TMC1: variants seen among roughly 807,000 people sequenced by gnomAD.
TMC1 encodes the protein transmembrane channel-like protein 1.
Under a neutral mutation model 105.8 loss-of-function variants are expected in TMC1, and 84 were observed. The ratio of observed to expected loss-of-function variants is 0.79; its 90% CI spans 0.67 to 0.95. The LOEUF is 0.95. Ranked by LOEUF, TMC1 falls within the 40% of genes least tolerant of loss-of-function variation. The pLI, the probability that TMC1 is intolerant of heterozygous loss-of-function variation, is 0.00. For synonymous variants in TMC1, 315 were observed against 311.5 expected (o/e 1.01, Z -0.12); for missense variants, 817 against 914.1 (o/e 0.89, Z 1.37).
chr9:72,666,187 G>T (rs756889019), intron 5 of TMC1, among the ~76,000 whole-genome samples: 1 of 152,078 alleles, frequency 6.6e-6, no homozygotes, highest in African/African-American at 2.4e-5. Context: ...AGGCCAAGGC[G>T]GGAGGATTGC....
chr9:72,729,517 A>C (rs910112342), intron 8 of TMC1, among the ~76,000 whole-genome samples: 16 of 152,212 alleles, frequency 1.1e-4, no homozygotes, highest in African/African-American at 3.9e-4. Context: ...ATCAAGTATC[A>C]AAACATGCAG....
chr9:72,661,378 T>C (rs1287718801), intron 5 of TMC1, among the ~76,000 whole-genome samples: 1 of 152,242 alleles, frequency 6.6e-6, no homozygotes, highest in African/African-American at 2.4e-5. Flanking sequence ...AGTTTTACTT[T>C]AAGTCCACAT....
At chr9:72,833,035 T>A (rs1044571516) in intron 23 of TMC1, among the ~76,000 whole-genome samples, 24 of 152,190 alleles carry the variant, frequency 1.6e-4, no homozygotes, top group Admixed American at 1.4e-3. Flanking sequence ...TTTTTAGTTT[T>A]AAGTATTATC....
At chr9:72,716,624 G>C (rs186847329) in intron 8 of TMC1, among the ~76,000 whole-genome samples, 78 of 152,222 alleles carry the variant, frequency 5.1e-4, no homozygotes, top group Admixed American at 4.6e-3. Context: ...CACCAAGCTC[G>C]AGCATGCCAG....
chr9:72,704,351 G>T (rs1161844524), intron 8 of TMC1, among the ~76,000 whole-genome samples: 1 of 152,144 alleles, frequency 6.6e-6, no homozygotes, highest in Non-Finnish European at 1.5e-5. Context: ...AGATATTTTA[G>T]ACAGTGTCAG....
chr9:72,539,323 C>T (rs966984335), intron 1 of TMC1, among the ~76,000 whole-genome samples: 4 of 152,142 alleles, frequency 2.6e-5, no homozygotes, highest in African/African-American at 9.6e-5. Flanking sequence ...GGAGAATGAC[C>T]TCAGCCTAGG....
intron 1 of TMC1, among the ~76,000 whole-genome samples, chr9:72,560,781 G>T (rs1824032421): frequency 6.6e-6 from 1 of 151,710 alleles, no homozygotes; most frequent in South Asian, 2.1e-4. Flanking sequence ...ACCGCGCCCG[G>T]CCTCATTTTC....
At chr9:72,587,995 G>T (rs1824580960) in intron 2 of TMC1, among the ~76,000 whole-genome samples, 1 of 151,942 alleles carries the variant, frequency 6.6e-6, no homozygotes, top group South Asian at 2.1e-4. Flanking sequence ...CACCATGTTG[G>T]CCAGGCTGGT....
chr9:72,790,920 T>C (rs1034206340), intron 15 of TMC1, among the ~76,000 whole-genome samples: 2 of 152,144 alleles, frequency 1.3e-5, no homozygotes, highest in African/African-American at 2.4e-5. Context: ...TTTCTAAATA[T>C]AGTCTGGTAG....
chr9:72,575,942 G>A (rs551636278), intron 1 of TMC1, among the ~76,000 whole-genome samples: 2 of 152,198 alleles, frequency 1.3e-5, no homozygotes, highest in Non-Finnish European at 2.9e-5. Flanking sequence ...AGGCTCACAT[G>A]TGTTTTCCCA....
At chr9:72,762,481 A>G (rs1409519449) in intron 12 of TMC1, among the ~76,000 whole-genome samples, 1 of 152,160 alleles carries the variant, frequency 6.6e-6, no homozygotes, top group Non-Finnish European at 1.5e-5. Flanking sequence ...CAGGTTTCAA[A>G]TGCAGCCAGA....
At chr9:72,699,615 T>C (rs1420514651) in intron 7 of TMC1, among the ~76,000 whole-genome samples, 1 of 152,132 alleles carries the variant, frequency 6.6e-6, no homozygotes, top group African/African-American at 2.4e-5. Flanking sequence ...CTGTAATTAT[T>C]CTTTCCACAG....
intron 1 of TMC1, among the ~76,000 whole-genome samples, chr9:72,556,497 C>A (rs957241711): frequency 3.3e-5 from 5 of 151,914 alleles, no homozygotes; most frequent in Non-Finnish European, 5.9e-5. Context: ...AGTAGACACT[C>A]CTGCTTGCCA....
At chr9:72,744,222 C>T (rs1827448442) in intron 10 of TMC1, among the ~76,000 whole-genome samples, 1 of 151,998 alleles carries the variant, frequency 6.6e-6, no homozygotes, top group Non-Finnish European at 1.5e-5. Flanking sequence ...CTCCTTAACA[C>T]TTACCGCTAT....
At chr9:72,545,174 A>G (rs569086528) in intron 1 of TMC1, among the ~76,000 whole-genome samples, 16 of 151,528 alleles carry the variant, frequency 1.1e-4, no homozygotes, top group Non-Finnish European at 2.2e-4. Context: ...ATATACACAC[A>G]CACATTTATA....
At chr9:72,573,844 T>G (rs1297766850) in intron 1 of TMC1, among the ~76,000 whole-genome samples, 4 of 152,190 alleles carry the variant, frequency 2.6e-5, no homozygotes, top group Non-Finnish European at 4.4e-5. Flanking sequence ...GTTACATAGG[T>G]AAACTCATGT....
intron 10 of TMC1, 41 bp from the exon 11 acceptor site, chr9:72,751,809 G>T (rs780260889): frequency 1.5e-6 from 2 of 1,310,570 alleles, no homozygotes; most frequent in African/African-American, 2.9e-5. Context: ...TTGTTTGTTT[G>T]CTTTGATCTC....
chr9:72,728,534 T>C (rs375607648), intron 8 of TMC1, among the ~76,000 whole-genome samples: 1 of 152,152 alleles, frequency 6.6e-6, no homozygotes. Flanking sequence ...TATACCATAT[T>C]TTTGGCACAT....
chr9:72,621,840 TATAA>T (rs1370552925), intron 3 of TMC1, among the ~76,000 whole-genome samples: 14 of 152,188 alleles, frequency 9.2e-5, no homozygotes, highest in Non-Finnish European at 2.1e-4. Context: ...TTTTTAAACA[TATAA>T]ATAGTTTGTC....
Sources: gnomAD v4.1 joint callset for allele counts (sites outside exome capture counted in the v4.1 genomes callset) on GRCh38, gnomAD v4.1.1 for gene constraint, MANE v1.5 for transcripts, NCBI Gene and HGNC (gene_info 2026-07-23, HGNC 2026-07-21) for gene names.